Variants in AK5 observed in about 807,000 individuals in gnomAD.
AK5 encodes the protein adenylate kinase 5, also known as adenylate kinase isoenzyme 5.
In AK5, 27 loss-of-function variants were observed where a neutral mutation model predicts 69.5. That is an observed-to-expected ratio of 0.39 (90% CI 0.29 to 0.54). The LOEUF is 0.54. Among genes scored for constraint, AK5 ranks in the 20% least tolerant of loss-of-function variants. AK5 has a pLI of 0.71. For missense variants in AK5, 531 were observed against 700.4 expected (o/e 0.76, Z 2.73); for synonymous variants, 260 against 244.4 (o/e 1.06, Z -0.60).
At chr1:77,308,590 A>T (rs1659775029) in intron 5 of AK5, among the ~76,000 whole-genome samples, 2 of 152,186 alleles carry the variant, frequency 1.3e-5, no homozygotes, top group Admixed American at 1.3e-4. Context: ...TTCACTAGAT[A>T]GCCCAGAGTC....
chr1:77,557,085 A>T (rs1235624057), intron 13 of AK5, among the ~76,000 whole-genome samples: 1 of 151,646 alleles, frequency 6.6e-6, no homozygotes, highest in Non-Finnish European at 1.5e-5. Context: ...ATACACCCTT[A>T]ATCTTCTCCC....
chr1:77,481,845 T>C (rs1392846850), intron 8 of AK5, among the ~76,000 whole-genome samples: 3 of 152,250 alleles, frequency 2.0e-5, no homozygotes, highest in African/African-American at 7.2e-5. Flanking sequence ...ATTTACTCAC[T>C]GTGCCACTTT....
intron 6 of AK5, among the ~76,000 whole-genome samples, chr1:77,396,218 T>A (rs1051424214): frequency 6.6e-6 from 1 of 152,166 alleles, no homozygotes; most frequent in Non-Finnish European, 1.5e-5. Flanking sequence ...TCAAAAGCAT[T>A]TATAAGGATT....
In AK5 at chr1:77,531,041, G is replaced by A. The variant is rs147135545; in HGVS notation, c.1429-4806G>A. ...CTGTGTCCGGAAATGGTGGGTTCTT[G>A]GTCTCACTGACTTAAAGAATGAAGC... On this transcript the variant is annotated intron_variant, in intron 12 of 13. Coordinates refer to ENST00000354567, the MANE Select transcript of AK5 (RefSeq NM_174858.3). Among the ~76,000 whole-genome samples the A allele has an allele frequency of 4.4e-3, 669 of 152,214 alleles. 4 individuals carry two copies. Among genetic ancestry groups the A allele is most frequent in the African/African-American group, 0.015 (619 of 41,534 alleles).
chr1:77,386,703 T>G (rs1438732303), intron 6 of AK5, among the ~76,000 whole-genome samples: 1 of 152,196 alleles, frequency 6.6e-6, no homozygotes, highest in Admixed American at 6.5e-5. Flanking sequence ...TGTGTAGTGA[T>G]CAAGTCAGAG....
chr1:77,546,647 C>G (rs1373564877), intron 13 of AK5, among the ~76,000 whole-genome samples: 1 of 152,126 alleles, frequency 6.6e-6, no homozygotes, highest in Non-Finnish European at 1.5e-5. Context: ...GAGGCAGAGG[C>G]TGCAGTGAGC....
intron 2 of AK5, among the ~76,000 whole-genome samples, chr1:77,290,628 A>G (rs1658634739): frequency 6.6e-6 from 1 of 152,230 alleles, no homozygotes; most frequent in South Asian, 2.1e-4. Flanking sequence ...CCAAACATTC[A>G]TAGAGCCCAT....
chr1:77,295,946 T>C (rs765411493), intron 3 of AK5, among the ~76,000 whole-genome samples: 1 of 152,196 alleles, frequency 6.6e-6, no homozygotes, highest in African/African-American at 2.4e-5. Context: ...CCCAAAGTTA[T>C]GATTCTTGTT....
chr1:77,484,369 CTAAACACATA>C (rs557281580), intron 9 of AK5, among the ~76,000 whole-genome samples: 15 of 152,098 alleles, frequency 9.9e-5, no homozygotes, highest in Non-Finnish European at 1.9e-4. Context: ...AGTATTGATT[CTAAACACATA>C]TAAGTAAGTG....
rs115378407 is a variant in AK5 at position 77,388,305 on chromosome 1, G to A, written c.892-22676G>A. Reference sequence around the variant, plus strand: ...CATATTTTATGATACAAGTCAAGCTGCTAGATTAACAGATGTTTGTCTTTA... The same window carrying A: ...CATATTTTATGATACAAGTCAAGCTACTAGATTAACAGATGTTTGTCTTTA... On this transcript the variant is annotated intron_variant, in intron 6 of 13. Transcript: ENST00000354567. 3.1e-3 allele frequency among the ~76,000 whole-genome samples: 477 copies of A among 152,254 alleles called. 3 individuals are homozygous for A. The highest frequency in any genetic ancestry group is 0.011 in the African/African-American group (455 of 41,560).
chr1:77,297,516 T>C (rs1446782254), intron 3 of AK5, 43 bp from the exon 4 acceptor site: 6 of 1,534,420 alleles, frequency 3.9e-6, no homozygotes, highest in Non-Finnish European at 5.3e-6. Context: ...GGGAGGTCCT[T>C]ATTGTATCAG....
intron 5 of AK5, among the ~76,000 whole-genome samples, chr1:77,335,579 T>C (rs191609038): frequency 6.8e-4 from 103 of 152,324 alleles, no homozygotes; most frequent in Non-Finnish European, 1.2e-3. Context: ...TGATGTCTGC[T>C]ACTAAAGTTT....
chr1:77,399,202 T>A (rs1649030997), intron 6 of AK5, among the ~76,000 whole-genome samples: 1 of 152,206 alleles, frequency 6.6e-6, no homozygotes, highest in Admixed American at 6.5e-5. Context: ...GCTCATGATC[T>A]GGACATTGGT....
intron 6 of AK5, among the ~76,000 whole-genome samples, chr1:77,397,937 A>T (rs975450936): frequency 6.6e-6 from 1 of 152,136 alleles, no homozygotes; most frequent in African/African-American, 2.4e-5. Context: ...TCTAAAATCC[A>T]AATGCTTTTT....
intron 8 of AK5, among the ~76,000 whole-genome samples, chr1:77,452,568 A>G (rs569521453): frequency 6.6e-6 from 1 of 152,344 alleles, no homozygotes; most frequent in African/African-American, 2.4e-5. Context: ...CTGTTGATCA[A>G]TAAGGTAGTT....
chr1:77,499,824 G>GACCTTTACTAA (rs1656591560), intron 10 of AK5, among the ~76,000 whole-genome samples: 1 of 143,412 alleles, frequency 7.0e-6, no homozygotes, highest in African/African-American at 2.6e-5. Context: ...ATTGGAAGGT[G>GACCTTTACTAA]ACCTTTACTA....
intron 6 of AK5, among the ~76,000 whole-genome samples, chr1:77,397,576 C>A (rs552700113): frequency 2.3e-3 from 347 of 152,228 alleles, no homozygotes; most frequent in Non-Finnish European, 3.8e-3. Context: ...TCACTACTGG[C>A]AACATTAAAT....
At position 77,483,318 on chromosome 1, in the gene AK5, G is replaced by T. The variant is rs751444639; in HGVS notation, c.1061G>T (p.Gly354Val). The change falls in exon 9 of 14, where the codon GGT (glycine) becomes GTT (valine). Residue 354 changes from glycine (G) to valine (V), a missense_variant and splice_region_variant. Coordinates refer to ENST00000354567, the MANE Select transcript of AK5 (RefSeq NM_174858.3). Reference sequence around the variant, plus strand: ...CTAATATTGTGATTTTTTTAACAGGGTGATGACCAGTTAAATGTATTTGGA... The same window carrying T: ...CTAATATTGTGATTTTTTTAACAGGTTGATGACCAGTTAAATGTATTTGGA... Reference protein sequence around the residue: ...IDTGSDYEDQGDDQLNVFGED... With the variant: ...IDTGSDYEDQVDDQLNVFGED... 1.9e-5 allele frequency: 30 copies of T among 1,609,856 alleles called. No homozygotes were observed. In the Middle Eastern group the frequency reaches 1.2e-3, roughly 62 times the overall value.
At position 77,558,902 on chromosome 1, in the gene AK5, C is replaced by G. The variant is rs1035997334; in HGVS notation, c.*232C>G. ...TATTCTCCACACTTCAGACAACTGT[C>G]TGCACTCACGGCACACACACTTTGT... On this transcript the variant is annotated 3_prime_UTR_variant, in exon 14 of 14. Coordinates refer to ENST00000354567, the MANE Select transcript of AK5 (RefSeq NM_174858.3). The G allele has an allele frequency of 3.3e-5, 16 of 489,330 alleles. No homozygotes were observed. Among genetic ancestry groups the G allele is most frequent in the Admixed American group, 1.1e-4 (3 of 27,976 alleles). The allele number at this position is 489,330 out of a possible 1,614,324, so 30.3% of individuals were successfully genotyped here.
Sources: gnomAD v4.1 joint callset for allele counts (sites outside exome capture counted in the v4.1 genomes callset) on GRCh38, gnomAD v4.1.1 for gene constraint, MANE v1.5 for transcripts, NCBI Gene and HGNC (gene_info 2026-07-23, HGNC 2026-07-21) for gene names.